CDH18: variants seen among roughly 807,000 people sequenced by gnomAD.
The protein encoded by CDH18 is cadherin 18, also known as cadherin-18.
A neutral mutation model predicts 67.9 loss-of-function variants in CDH18; 31 were observed. The observed-to-expected ratio is 0.46, with a 90% CI of 0.34 to 0.62. The LOEUF is 0.62. Among genes scored for constraint, CDH18 ranks in the 20% least tolerant of loss-of-function variants. The probability of loss-of-function intolerance (pLI) is 0.01; values close to 1 mark genes in which losing one functional copy is unlikely to be tolerated. For synonymous variants in CDH18, 362 were observed against 347.2 expected (o/e 1.04, Z -0.48); for missense variants, 890 against 975.5 (o/e 0.91, Z 1.17).
intron 1 of CDH18, among the ~76,000 whole-genome samples, chr5:20,466,732 TC>T (rs1751658476): frequency 6.6e-6 from 1 of 152,102 alleles, no homozygotes. Flanking sequence ...CTTGATTATA[TC>T]CCATGTGAGA....
intron 12 of CDH18, 95 bp downstream of exon 12, chr5:19,483,206 C>T: frequency 8.2e-7 from 1 of 1,219,744 alleles, no homozygotes; most frequent in Non-Finnish European, 1.2e-6. Flanking sequence ...GTTTCCTTAC[C>T]CACATTATGG....
intron 1 of CDH18, among the ~76,000 whole-genome samples, chr5:20,300,354 GCATTTGAA>G (rs1388937090): frequency 6.6e-6 from 1 of 151,332 alleles, no homozygotes; most frequent in African/African-American, 2.4e-5. Flanking sequence ...GGAAAATAAT[GCATTTGAA>G]CATTAGTCAT....
chr5:19,630,107 G>GT lies in CDH18; in HGVS notation c.644-17507dup, dbSNP rs528823387. Reference sequence around the variant, plus strand: ...GCCCTTCACCATGACCGGCTAATTTGTTTTTTTAATTTTTAGTAGAGACAG... The same window carrying GT: ...GCCCTTCACCATGACCGGCTAATTTGTTTTTTTTAATTTTTAGTAGAGACAG... On this transcript the variant is annotated intron_variant, in intron 5 of 12. Coordinates refer to ENST00000382275, the MANE Select transcript of CDH18 (RefSeq NM_004934.5). Among the ~76,000 whole-genome samples, 6 of 151,692 alleles carry GT rather than the reference G, an allele frequency of 4.0e-5. No homozygotes were observed. In the East Asian group the frequency reaches 7.8e-4, roughly 20 times the overall value.
chr5:19,478,564 C>T (rs913149484), intron 12 of CDH18: 2 of 152,202 alleles, frequency 1.3e-5, no homozygotes, highest in African/African-American at 4.8e-5. Flanking sequence ...ACACCAACTC[C>T]ATTCTGATCC....
At chr5:20,403,747 T>C (rs931183921) in intron 1 of CDH18, among the ~76,000 whole-genome samples, 17 of 152,314 alleles carry the variant, frequency 1.1e-4, no homozygotes, top group African/African-American at 3.6e-4. Flanking sequence ...GGCCTTGGAA[T>C]TTTCAGAATG....
chr5:20,122,821 T>C (rs1297479215), intron 2 of CDH18, among the ~76,000 whole-genome samples: 1 of 147,960 alleles, frequency 6.8e-6, no homozygotes, highest in East Asian at 2.0e-4. Flanking sequence ...TATATATATA[T>C]ATATATACAT....
intron 1 of CDH18, among the ~76,000 whole-genome samples, chr5:20,439,034 G>T (rs1749395991): frequency 6.6e-6 from 1 of 151,380 alleles, no homozygotes. Flanking sequence ...ACCCTTGATT[G>T]CGTCATTTTT....
At chr5:19,763,483 G>A (rs1362070379) in intron 3 of CDH18, among the ~76,000 whole-genome samples, 1 of 152,110 alleles carries the variant, frequency 6.6e-6, no homozygotes, top group African/African-American at 2.4e-5. Flanking sequence ...CTGAAATGTG[G>A]AAGAATCCAG....
intron 3 of CDH18, among the ~76,000 whole-genome samples, chr5:19,770,997 A>C (rs976535935): frequency 3.3e-5 from 5 of 152,178 alleles, no homozygotes; most frequent in African/African-American, 1.2e-4. Context: ...TGGACACATC[A>C]ACACCTGGGC....
chr5:19,868,659 A>G (rs1399672977), intron 2 of CDH18, among the ~76,000 whole-genome samples: 2 of 152,148 alleles, frequency 1.3e-5, no homozygotes, highest in East Asian at 3.9e-4. Flanking sequence ...AACCATAAAA[A>G]CCTTAGGGAC....
intron 2 of CDH18, among the ~76,000 whole-genome samples, chr5:20,239,882 G>T (rs1187426541): frequency 6.6e-6 from 1 of 151,758 alleles, no homozygotes; most frequent in Non-Finnish European, 1.5e-5. Context: ...ATGCACACAT[G>T]TTATGAGGTA....
intron 1 of CDH18, among the ~76,000 whole-genome samples, chr5:20,258,430 T>C (rs1209487496): frequency 1.3e-5 from 2 of 149,010 alleles, no homozygotes; most frequent in African/African-American, 4.9e-5. Flanking sequence ...AGCATTCCAA[T>C]AACTGAATTT....
At chr5:20,462,748 A>T (rs1163988078) in intron 1 of CDH18, among the ~76,000 whole-genome samples, 1 of 152,192 alleles carries the variant, frequency 6.6e-6, no homozygotes, top group Non-Finnish European at 1.5e-5. Context: ...CCACAAAATC[A>T]TAATAACCCA....
chr5:20,475,703 T>C (rs935138604), intron 1 of CDH18, among the ~76,000 whole-genome samples: 5 of 152,342 alleles, frequency 3.3e-5, no homozygotes, highest in East Asian at 1.9e-4. Context: ...ACAATTCTTA[T>C]TGGTTTTCAT....
At chr5:19,659,916 T>C (rs1756928144) in intron 5 of CDH18, among the ~76,000 whole-genome samples, 1 of 152,120 alleles carries the variant, frequency 6.6e-6, no homozygotes, top group Admixed American at 6.6e-5. Flanking sequence ...ACAAATATGA[T>C]ACTAGTTCTT....
chr5:20,249,412 T>C (rs1169137835), intron 2 of CDH18, among the ~76,000 whole-genome samples: 1 of 145,688 alleles, frequency 6.9e-6, no homozygotes, highest in Non-Finnish European at 1.5e-5. Flanking sequence ...AGACGGAGTC[T>C]GGCTCTGTCG....
chr5:20,038,928 T>A (rs182561689), intron 2 of CDH18, among the ~76,000 whole-genome samples: 1 of 152,170 alleles, frequency 6.6e-6, no homozygotes, highest in African/African-American at 2.4e-5. Context: ...ATGAGATGAT[T>A]GTATATTTAG....
At chr5:20,182,488 G>T (rs1032954907) in intron 2 of CDH18, among the ~76,000 whole-genome samples, 5 of 149,740 alleles carry the variant, frequency 3.3e-5, no homozygotes, top group Admixed American at 1.4e-4. Context: ...TATAATCCCA[G>T]CTACTCAAGA....
intron 12 of CDH18, among the ~76,000 whole-genome samples, chr5:19,481,783 A>G (rs1739462885): frequency 6.6e-6 from 1 of 152,174 alleles, no homozygotes; most frequent in Non-Finnish European, 1.5e-5. Flanking sequence ...TTTCAAGAAT[A>G]CCTCTTTCTC....
Sources: allele counts gnomAD v4.1 joint callset (sites outside exome capture counted in the v4.1 genomes callset), GRCh38; gene constraint gnomAD v4.1.1; transcripts MANE v1.5; gene names NCBI Gene and HGNC (gene_info 2026-07-23, HGNC 2026-07-21).